Variants in LYRM4 observed in about 807,000 individuals in gnomAD.
LYRM4 encodes the protein LYR motif containing 4.
In LYRM4, 9 loss-of-function variants were observed where a neutral mutation model predicts 11.7. The observed-to-expected ratio is 0.77, with a 90% CI of 0.46 to 1.34. The LOEUF is 1.34. Among genes scored for constraint, LYRM4 ranks in the 40% most tolerant of loss-of-function variants. The pLI is 0.00. For missense variants in LYRM4, 133 were observed against 112.5 expected, an observed-to-expected ratio of 1.18 and a Z score of -0.82; for synonymous variants, 42 against 40.4, an observed-to-expected ratio of 1.04 and a Z score of -0.15.
intron 2 of LYRM4, among the ~76,000 whole-genome samples, chr6:5,154,976 T>C (rs7766717): frequency 0.75 from 114,812 of 152,142 alleles, 43,379 homozygotes; most frequent in East Asian, 0.89. Flanking sequence ...TCTAACAGGA[T>C]GGTGGATGGG....
At chr6:5,135,985 G>A (rs434350) in intron 2 of LYRM4, among the ~76,000 whole-genome samples, 33,464 of 152,004 alleles carry the variant, frequency 0.22, 4,048 homozygotes, top group African/African-American at 0.31. Context: ...AGGGACCGCC[G>A]TAAGTGGAAT....
intron 2 of LYRM4, among the ~76,000 whole-genome samples, chr6:5,142,265 C>T (rs974212785): frequency 6.6e-6 from 1 of 152,062 alleles, no homozygotes; most frequent in Non-Finnish European, 1.5e-5. Context: ...GCCTTTGGAA[C>T]CCAGCCGCCA....
chr6:5,062,084 T>C, the LYRM4 span, among the ~76,000 whole-genome samples: 33 of 106,406 alleles, frequency 3.1e-4, no homozygotes, highest in African/African-American at 5.8e-4. Flanking sequence ...CCTTCTTCTT[T>C]TTTTTTTTTT....
chr6:5,086,116 G>C, the LYRM4 span: 3 of 1,465,146 alleles, frequency 2.0e-6, no homozygotes, highest in South Asian at 4.1e-5. Flanking sequence ...CGCCGCGGCC[G>C]AGCGTCTGCA....
chr6:5,191,025 T>C (rs980835880), intron 2 of LYRM4, among the ~76,000 whole-genome samples: 2 of 152,192 alleles, frequency 1.3e-5, no homozygotes, highest in African/African-American at 2.4e-5. Flanking sequence ...TTTGATCTAG[T>C]TATTTTAATA....
chr6:5,126,463 C>T (rs1228403853), intron 2 of LYRM4, among the ~76,000 whole-genome samples: 1 of 152,140 alleles, frequency 6.6e-6, no homozygotes, highest in African/African-American at 2.4e-5. Flanking sequence ...AAGTACAGTG[C>T]AAGAATGATT....
the LYRM4 span, among the ~76,000 whole-genome samples, chr6:5,035,188 C>T: frequency 1.7e-4 from 26 of 152,170 alleles, no homozygotes; most frequent in East Asian, 3.3e-3. Flanking sequence ...GAAGAATGTT[C>T]GTAGAACATA....
intron 1 of LYRM4, among the ~76,000 whole-genome samples, chr6:5,235,169 C>T (rs1393017832): frequency 1.3e-5 from 2 of 152,004 alleles, no homozygotes; most frequent in East Asian, 3.9e-4. Context: ...TTGAGACGGA[C>T]TCTCGTTCTG....
At chr6:5,086,160 C>T in the LYRM4 span, 1 of 1,527,448 alleles carries the variant, frequency 6.5e-7, no homozygotes, top group Non-Finnish European at 8.8e-7. Context: ...GCGTGCAGTG[C>T]TCGACGGCCT....
intron 1 of LYRM4, among the ~76,000 whole-genome samples, chr6:5,230,116 C>T (rs1487491322): frequency 6.6e-6 from 1 of 152,200 alleles, no homozygotes; most frequent in Non-Finnish European, 1.5e-5. Flanking sequence ...AGGTCTCTGG[C>T]TCCTTTTTTG....
chr6:5,124,829 C>T (rs891345969), intron 2 of LYRM4, among the ~76,000 whole-genome samples: 2 of 152,196 alleles, frequency 1.3e-5, no homozygotes, highest in African/African-American at 4.8e-5. Flanking sequence ...GATAAGGCCG[C>T]AGACCATGCT....
At position 5,127,042 on chromosome 6, in the gene LYRM4, C is replaced by T. The variant is rs529608309; in HGVS notation, c.208-17551G>A. Among the ~76,000 whole-genome samples, 19 of 152,300 alleles carry T rather than the reference C, an allele frequency of 1.2e-4. 1 individual carries two copies. The highest frequency in any genetic ancestry group is 4.1e-4 in the South Asian group (2 of 4,822). On this transcript the variant is annotated intron_variant, in intron 2 of 2. Coordinates refer to ENST00000330636, the MANE Select transcript of LYRM4 (RefSeq NM_020408.6). ...TTGGCTCACTGCAACCTCCGCCTTCCGGGTTCAAGCAATTCTCCTGTCTCA... is the reference window on the plus strand; with the variant it reads ...TTGGCTCACTGCAACCTCCGCCTTCTGGGTTCAAGCAATTCTCCTGTCTCA...
At chr6:5,123,793 G>A (rs187905186) in intron 2 of LYRM4, among the ~76,000 whole-genome samples, 81 of 152,314 alleles carry the variant, frequency 5.3e-4, no homozygotes, top group Non-Finnish European at 9.8e-4. Flanking sequence ...GTAAGAGTTT[G>A]GGCTGTCCCT....
intron 2 of LYRM4, among the ~76,000 whole-genome samples, chr6:5,147,631 T>C (rs1438988399): frequency 6.6e-6 from 1 of 152,202 alleles, no homozygotes; most frequent in East Asian, 1.9e-4. Context: ...ATGGATTCCT[T>C]TTCATCTTTG....
intron 2 of LYRM4, among the ~76,000 whole-genome samples, chr6:5,160,058 G>C (rs1394764689): frequency 6.6e-6 from 1 of 152,152 alleles, no homozygotes. Context: ...CACCCATCCG[G>C]AAGTGAGGTC....
the LYRM4 span, among the ~76,000 whole-genome samples, chr6:5,069,399 TCTTA>T: frequency 5.3e-5 from 8 of 151,102 alleles, no homozygotes; most frequent in East Asian, 3.9e-4. Flanking sequence ...TCGGCGCACA[TCTTA>T]CTATGTCCAA....
intron 2 of LYRM4, among the ~76,000 whole-genome samples, chr6:5,194,638 G>C (rs1410197348): frequency 6.6e-6 from 1 of 152,228 alleles, no homozygotes; most frequent in African/African-American, 2.4e-5. Context: ...TCCAGTAGAA[G>C]TGAAAGCGTC....
At chr6:5,146,202 C>T (rs137945442) in intron 2 of LYRM4, among the ~76,000 whole-genome samples, 11 of 152,242 alleles carry the variant, frequency 7.2e-5, no homozygotes, top group East Asian at 3.9e-4. Flanking sequence ...GCATGTTTCC[C>T]GTATTCAGTC....
At chr6:5,229,029 A>G (rs1380081579) in intron 1 of LYRM4, among the ~76,000 whole-genome samples, 3 of 150,976 alleles carry the variant, frequency 2.0e-5, no homozygotes, top group Non-Finnish European at 4.4e-5. Context: ...AAAAAAAAGA[A>G]TATTTCCTAA....
Sources: allele counts gnomAD v4.1 joint callset (sites outside exome capture counted in the v4.1 genomes callset), GRCh38; gene constraint gnomAD v4.1.1; transcripts MANE v1.5; gene names NCBI Gene and HGNC (gene_info 2026-07-23, HGNC 2026-07-21).